The following SYT9 variants were observed in gnomAD, a reference collection of about 807,000 sequenced individuals.
The protein encoded by SYT9 is synaptotagmin-9.
In SYT9, 22 loss-of-function variants were observed where a neutral mutation model predicts 48.4. The ratio of observed to expected loss-of-function variants is 0.45; its 90% CI spans 0.32 to 0.65. The LOEUF is 0.65. SYT9 is among the 30% of genes least tolerant of loss of function. The pLI, the probability that SYT9 is intolerant of heterozygous loss-of-function variation, is 0.03. For missense variants in SYT9, 577 were observed against 622.0 expected, an observed-to-expected ratio of 0.93 and a Z score of 0.77; for synonymous variants, 265 against 245.0, an observed-to-expected ratio of 1.08 and a Z score of -0.76.
At chr11:7,280,102 A>C (rs1450059433) in intron 1 of SYT9, among the ~76,000 whole-genome samples, 6 of 152,284 alleles carry the variant, frequency 3.9e-5, no homozygotes, top group Non-Finnish European at 5.9e-5. Flanking sequence ...CAGAATAGAA[A>C]AGGTATGCAT....
chr11:7,465,630 A>G (rs1670217680), intron 6 of SYT9: 1 of 152,328 alleles, frequency 6.6e-6, no homozygotes, highest in Admixed American at 6.5e-5. Flanking sequence ...CATCTCGGAA[A>G]CAAGGAATGA....
chr11:7,287,273 AACTC>A (rs1411570484), intron 1 of SYT9, among the ~76,000 whole-genome samples: 1 of 152,108 alleles, frequency 6.6e-6, no homozygotes, highest in Non-Finnish European at 1.5e-5. Context: ...ATCTCTTGAG[AACTC>A]ACTCTCTATC....
chr11:7,430,400 T>C (rs1356219756), intron 6 of SYT9, among the ~76,000 whole-genome samples: 1 of 152,198 alleles, frequency 6.6e-6, no homozygotes, highest in Non-Finnish European at 1.5e-5. Context: ...TATACTCAAA[T>C]TGTCAGAAAC....
intron 3 of SYT9, among the ~76,000 whole-genome samples, chr11:7,394,701 C>T (rs1446131389): frequency 2.0e-5 from 3 of 152,006 alleles, no homozygotes; most frequent in Non-Finnish European, 4.4e-5. Flanking sequence ...TGATTTTAGC[C>T]ATTTCTTTTC....
intron 3 of SYT9, among the ~76,000 whole-genome samples, chr11:7,407,470 T>G (rs1847044421): frequency 1.0e-5 from 1 of 96,596 alleles, no homozygotes; most frequent in Non-Finnish European, 1.9e-5. Flanking sequence ...AAGCTCCGCT[T>G]CCCGGGTTCA....
At chr11:7,341,309 T>A (rs11041324) in intron 3 of SYT9, among the ~76,000 whole-genome samples, 39,672 of 152,084 alleles carry the variant, frequency 0.26, 5,517 homozygotes, top group Middle Eastern at 0.32. Context: ...TGATATGCGT[T>A]GGCTGTGTCC....
chr11:7,432,576 AAAAAAAATATATATACATATATATATAT>A (rs1169955229), intron 6 of SYT9, among the ~76,000 whole-genome samples: 633 of 11,868 alleles, frequency 0.053, 17 homozygotes, highest in Non-Finnish European at 0.068. Flanking sequence ...AAAAAAAAAA[AAAAAAAATATATATACATATATATATAT>A]ATATATATAT....
intron 3 of SYT9, among the ~76,000 whole-genome samples, chr11:7,326,450 G>A (rs1486321369): frequency 5.9e-5 from 8 of 134,962 alleles, no homozygotes; most frequent in East Asian, 2.4e-4. Flanking sequence ...CTGTGGGATC[G>A]GTGGTGATAT....
intron 1 of SYT9, among the ~76,000 whole-genome samples, chr11:7,245,036 A>G (rs1847777056): frequency 6.6e-6 from 1 of 152,254 alleles, no homozygotes; most frequent in African/African-American, 2.4e-5. Context: ...GAACCTGAGC[A>G]ATGTCACACA....
chr11:7,355,205 T>G (rs182332385), intron 3 of SYT9, among the ~76,000 whole-genome samples: 4 of 152,292 alleles, frequency 2.6e-5, no homozygotes, highest in Admixed American at 2.0e-4. Context: ...GATGGGAGTT[T>G]CCCAGCAGGC....
chr11:7,401,214 T>C (rs1245172378), intron 3 of SYT9, among the ~76,000 whole-genome samples: 1 of 151,920 alleles, frequency 6.6e-6, no homozygotes, highest in Admixed American at 6.6e-5. Context: ...TTTGTAAAAT[T>C]ACCTTCAGTC....
intron 3 of SYT9, among the ~76,000 whole-genome samples, chr11:7,395,635 GT>G (rs1410244651): frequency 6.6e-6 from 1 of 151,944 alleles, no homozygotes; most frequent in Non-Finnish European, 1.5e-5. Context: ...TTTAATGTAT[GT>G]TTTACCTGAT....
intron 3 of SYT9, among the ~76,000 whole-genome samples, chr11:7,367,360 C>T (rs1336867445): frequency 6.6e-6 from 1 of 151,656 alleles, no homozygotes; most frequent in Non-Finnish European, 1.5e-5. Context: ...GGATTAGAGG[C>T]GTGAGCCACC....
intron 6 of SYT9, chr11:7,440,949 G>A (rs1191402555): frequency 6.6e-6 from 1 of 152,160 alleles, no homozygotes; most frequent in East Asian, 1.9e-4. Flanking sequence ...CATCCAGTGG[G>A]ATGTGGAAAA....
chr11:7,432,575 AAAAAAAAATATATATACAT>A (rs1847613229), intron 6 of SYT9, among the ~76,000 whole-genome samples: 6 of 11,190 alleles, frequency 5.4e-4, no homozygotes, highest in African/African-American at 1.7e-3. Context: ...AAAAAAAAAA[AAAAAAAAATATATATACAT>A]ATATATATAT....
At chr11:7,443,609 A>T (rs1479472242) in intron 6 of SYT9, among the ~76,000 whole-genome samples, 2 of 152,232 alleles carry the variant, frequency 1.3e-5, no homozygotes. Flanking sequence ...CTTCACCTTC[A>T]GCATGCCCAC....
chr11:7,321,523 T>G lies in SYT9; in HGVS notation c.1044+7582T>G, dbSNP rs1220209057. ...CATAAGTCATATGTGATTATTATAT[T>G]GATGCAACACAAGTGAGCCCCAAAA... On this transcript the variant is annotated intron_variant, in intron 3 of 6. Transcript: ENST00000318881. 3.9e-5 allele frequency among the ~76,000 whole-genome samples: 6 copies of G among 152,200 alleles called. 1 individual carries two copies. Among genetic ancestry groups the G allele is most frequent in the Admixed American group, 3.9e-4 (6 of 15,282 alleles).
At position 7,305,599 on chromosome 11, in the gene SYT9, C is replaced by T. The variant is rs143068919; in HGVS notation, c.497+2209C>T. ...TTTTAACATTCTTCTTTAACATTTTCGATACCCATATTTGGGGAGGGGAAA... is the reference window on the plus strand; with the variant it reads ...TTTTAACATTCTTCTTTAACATTTTTGATACCCATATTTGGGGAGGGGAAA... On this transcript the variant is annotated intron_variant, in intron 2 of 6. Coordinates refer to ENST00000318881, the MANE Select transcript of SYT9 (RefSeq NM_175733.4). Among the ~76,000 whole-genome samples the T allele has an allele frequency of 3.9e-5, 6 of 152,310 alleles. No individual in the cohort carries two copies. The East Asian group carries it at 5.8e-4, about 15-fold the overall frequency.
intron 1 of SYT9, among the ~76,000 whole-genome samples, chr11:7,254,122 A>G (rs1440637475): frequency 6.6e-6 from 1 of 152,190 alleles, no homozygotes; most frequent in Non-Finnish European, 1.5e-5. Context: ...AGAAAGAGTC[A>G]CTAAGTAGGC....
Sources: gnomAD v4.1 joint callset for allele counts (sites outside exome capture counted in the v4.1 genomes callset) on GRCh38, gnomAD v4.1.1 for gene constraint, MANE v1.5 for transcripts, NCBI Gene and HGNC (gene_info 2026-07-23, HGNC 2026-07-21) for gene names.